NTRK3: variants seen among roughly 807,000 people sequenced by gnomAD.
NTRK3 encodes NT-3 growth factor receptor.
A neutral mutation model predicts 91.7 loss-of-function variants in NTRK3; 24 were observed. The observed-to-expected ratio is 0.26, with a 90% CI of 0.19 to 0.37. The LOEUF is 0.37. NTRK3 is among the 10% of genes least tolerant of loss of function. The pLI is 1.00. For synonymous variants in NTRK3, 483 were observed against 404.0 expected, an observed-to-expected ratio of 1.20 and a Z score of -2.34; for missense variants, 880 against 1,068.9, an observed-to-expected ratio of 0.82 and a Z score of 2.46.
intron 17 of NTRK3, among the ~76,000 whole-genome samples, chr15:87,895,248 G>A (rs1187632268): frequency 6.6e-6 from 1 of 152,164 alleles, no homozygotes; most frequent in African/African-American, 2.4e-5. Context: ...TCTGGTTATT[G>A]TTTTTAATGT....
At chr15:87,897,659 A>G (rs1310123559) in intron 17 of NTRK3, among the ~76,000 whole-genome samples, 1 of 152,194 alleles carries the variant, frequency 6.6e-6, no homozygotes, top group Non-Finnish European at 1.5e-5. Flanking sequence ...CCTTTTAATG[A>G]TCCTAGATTT....
chr15:88,228,980 C>T (rs1188618814), intron 3 of NTRK3, among the ~76,000 whole-genome samples: 5 of 152,144 alleles, frequency 3.3e-5, no homozygotes, highest in Non-Finnish European at 7.3e-5. Flanking sequence ...GTGCTCACTC[C>T]TTACCCCTCC....
chr15:88,018,664 C>G (rs567765890), intron 14 of NTRK3, among the ~76,000 whole-genome samples: 2 of 152,256 alleles, frequency 1.3e-5, no homozygotes, highest in South Asian at 4.2e-4. Context: ...AAGACTTTAG[C>G]AAACATTTTA....
intron 3 of NTRK3, among the ~76,000 whole-genome samples, chr15:88,228,931 T>C (rs2050923570): frequency 6.6e-6 from 1 of 152,138 alleles, no homozygotes; most frequent in Non-Finnish European, 1.5e-5. Flanking sequence ...GGTGGGAGTG[T>C]TGTGGGGGGA....
chr15:87,913,746 A>G (rs117097211), intron 17 of NTRK3, among the ~76,000 whole-genome samples: 2 of 152,368 alleles, frequency 1.3e-5, no homozygotes, highest in South Asian at 2.1e-4. Context: ...ACATTTGAAA[A>G]TGAAGAAAAT....
intron 17 of NTRK3, among the ~76,000 whole-genome samples, chr15:87,920,905 T>C (rs542385806): frequency 6.6e-6 from 1 of 152,290 alleles, no homozygotes; most frequent in East Asian, 1.9e-4. Context: ...GAGTGAATCC[T>C]GAGACAGTAA....
In NTRK3 at chr15:88,127,031, G is replaced by A. The variant is rs978397583; in HGVS notation, c.1293+131C>T. 18 of 807,820 alleles carry A rather than the reference G, an allele frequency of 2.2e-5. 1 individual carries two copies. Among genetic ancestry groups the A allele is most frequent in the African/African-American group, 8.5e-5 (5 of 58,590 alleles). The allele number at this position is 807,820 out of a possible 1,614,324, so 50.0% of individuals were successfully genotyped here. A position where few individuals can be genotyped will look rare whatever the true frequency, so the allele number is the denominator to read the frequency against. On this transcript the variant is annotated intron_variant, in intron 12 of 18. Coordinates refer to ENST00000394480, the Ensembl canonical transcript of NTRK3. Reference sequence around the variant, plus strand: ...CAAGGAAGGTTTAAACTGCCTGAACGTAGTTCAATTCATTACTTTTTTTTT... The same window carrying A: ...CAAGGAAGGTTTAAACTGCCTGAACATAGTTCAATTCATTACTTTTTTTTT...
exon 19 of NTRK3, chr15:87,869,405 C>G (rs1369419): frequency 0.023 from 5,163 of 225,784 alleles, 93 homozygotes; most frequent in Non-Finnish European, 0.033. Flanking sequence ...ATGTCAACAT[C>G]GTCTGACAGC....
chr15:87,962,469 G>C (rs2072391311), intron 14 of NTRK3, among the ~76,000 whole-genome samples: 2 of 152,238 alleles, frequency 1.3e-5, no homozygotes, highest in Admixed American at 1.3e-4. Context: ...TGTCACCGCT[G>C]AGGGCTGCTA....
chr15:87,891,115 T>C (rs1404218294), intron 17 of NTRK3, among the ~76,000 whole-genome samples: 1 of 152,068 alleles, frequency 6.6e-6, no homozygotes, highest in Non-Finnish European at 1.5e-5. Context: ...TAATATACAG[T>C]ATATTAGAGA....
chr15:87,924,775 A>G (rs957991581), intron 17 of NTRK3, among the ~76,000 whole-genome samples: 7 of 152,136 alleles, frequency 4.6e-5, no homozygotes, highest in African/African-American at 1.7e-4. Context: ...TCACTCATTC[A>G]TACTTTTATT....
At chr15:87,940,164 A>G (rs2069686480) in intron 15 of NTRK3, among the ~76,000 whole-genome samples, 1 of 150,762 alleles carries the variant, frequency 6.6e-6, no homozygotes, top group Non-Finnish European at 1.5e-5. Context: ...CTCCCTCAAC[A>G]TCTATTCTCA....
intron 15 of NTRK3, among the ~76,000 whole-genome samples, chr15:87,938,947 CTTGT>C (rs1241171115): frequency 2.4e-4 from 37 of 152,078 alleles, no homozygotes; most frequent in Non-Finnish European, 3.2e-4. Context: ...ATGCAGGACT[CTTGT>C]TTATTTTCTA....
intron 14 of NTRK3, among the ~76,000 whole-genome samples, chr15:88,018,746 T>G (rs557807325): frequency 6.6e-6 from 1 of 152,266 alleles, no homozygotes; most frequent in South Asian, 2.1e-4. Flanking sequence ...ATAGGATTTT[T>G]ATGAGGATTA....
chr15:87,865,940 G>C, exon 19 of NTRK3: 1 of 230,942 alleles, frequency 4.3e-6, no homozygotes, highest in Middle Eastern at 1.3e-3. Flanking sequence ...GGGAAGATAT[G>C]CCTCAAAATG....
intron 6 of NTRK3, among the ~76,000 whole-genome samples, chr15:88,141,862 T>TC (rs2042416469): frequency 6.6e-6 from 1 of 151,984 alleles, no homozygotes; most frequent in South Asian, 2.1e-4. Context: ...TTCCATCCTT[T>TC]CCCCCCAGGG....
At chr15:88,048,613 G>A (rs1167831622) in intron 13 of NTRK3, among the ~76,000 whole-genome samples, 2 of 152,142 alleles carry the variant, frequency 1.3e-5, no homozygotes, top group Non-Finnish European at 2.9e-5. Flanking sequence ...ACAATAGTAG[G>A]ATTTTGCTCT....
chr15:87,868,929 G>A (rs1031813707), exon 19 of NTRK3: 3 of 226,238 alleles, frequency 1.3e-5, no homozygotes, highest in East Asian at 6.3e-5. Flanking sequence ...CGGCCTAGAC[G>A]CAGTCATGAC....
chr15:88,008,468 G>A (rs61562594), intron 14 of NTRK3, among the ~76,000 whole-genome samples: 2,957 of 152,064 alleles, frequency 0.019, 90 homozygotes, highest in African/African-American at 0.067. Flanking sequence ...CAGGATCTCC[G>A]AGGTTCTTGG....
Sources: allele counts gnomAD v4.1 joint callset (sites outside exome capture counted in the v4.1 genomes callset), GRCh38; gene constraint gnomAD v4.1.1; transcripts MANE v1.5; gene names NCBI Gene and HGNC (gene_info 2026-07-23, HGNC 2026-07-21).